The following PCDHA6 variants were observed in gnomAD, a reference collection of about 807,000 sequenced individuals.
The protein encoded by PCDHA6 is protocadherin alpha-6.
In PCDHA6, 55 loss-of-function variants were observed where a neutral mutation model predicts 60.3. The observed-to-expected ratio is 0.91, with a 90% CI of 0.73 to 1.14. The LOEUF (loss-of-function observed/expected upper bound fraction) is 1.14. Among genes scored for constraint, PCDHA6 ranks in the 50% most tolerant of loss-of-function variants. The pLI is 0.00. For missense variants in PCDHA6, 1,327 were observed against 1,256.5 expected, an observed-to-expected ratio of 1.06 and a Z score of -0.85; for synonymous variants, 652 against 557.9, an observed-to-expected ratio of 1.17 and a Z score of -2.38.
chr5:140,990,990 A>G (rs1269528161), intron 3 of PCDHA6, among the ~76,000 whole-genome samples: 1 of 152,210 alleles, frequency 6.6e-6, no homozygotes, highest in East Asian at 1.9e-4. Flanking sequence ...GACAATAGCT[A>G]CCATTTATTG....
chr5:140,966,724 C>G (rs1357964806), intron 1 of PCDHA6: 25 of 1,396,170 alleles, frequency 1.8e-5, no homozygotes, highest in Non-Finnish European at 2.3e-5. Context: ...GGGAAGCTGC[C>G]GCCTCCGGCC....
intron 1 of PCDHA6, chr5:140,862,930 C>T (rs1581662470): frequency 1.8e-6 from 1 of 542,144 alleles, no homozygotes; most frequent in East Asian, 4.9e-5. Flanking sequence ...GGGCTGGCGG[C>T]GCTGTGAGTG....
intron 3 of PCDHA6, among the ~76,000 whole-genome samples, chr5:140,999,225 G>C (rs543011633): frequency 1.3e-5 from 2 of 152,222 alleles, no homozygotes; most frequent in Non-Finnish European, 2.9e-5. Context: ...CTACATTTGA[G>C]AATAGGTGGT....
Position 140,962,743 on chromosome 5 carries a change from A to T in PCDHA6, c.2395-16206A>T, listed in dbSNP as rs1298793627. 2.0e-5 allele frequency among the ~76,000 whole-genome samples: 3 copies of T among 152,324 alleles called. No individual in the cohort carries two copies. The East Asian group carries it at 5.8e-4, about 29-fold the overall frequency. On this transcript the variant is annotated intron_variant, in intron 1 of 3. Coordinates refer to ENST00000529310, the MANE Select transcript of PCDHA6 (RefSeq NM_018909.4). Reference sequence around the variant, plus strand: ...ATTTTCCTTCTGGGGATGCATGAAGATCAGGAATCCTATTCGTTTTTAACA... The same window carrying T: ...ATTTTCCTTCTGGGGATGCATGAAGTTCAGGAATCCTATTCGTTTTTAACA...
chr5:140,990,184 A>G lies in PCDHA6; in HGVS notation c.2542+7621A>G, dbSNP rs1230599539. 1.3e-5 allele frequency among the ~76,000 whole-genome samples: 2 copies of G among 152,158 alleles called. 1 individual carries two copies. The highest frequency in any genetic ancestry group is 2.9e-5 in the Non-Finnish European group (2 of 68,034). ...GGGTATGAAAAGGTGACTTTTAAGA[A>G]CCAAATGTGGACCCGAAAGAGAACA... is the stretch of plus-strand genomic sequence containing the variant. On this transcript the variant is annotated intron_variant, in intron 3 of 3. Transcript: ENST00000529310.
At chr5:140,920,959 T>G (rs2079949518) in intron 1 of PCDHA6, among the ~76,000 whole-genome samples, 1 of 152,072 alleles carries the variant, frequency 6.6e-6, no homozygotes, top group Non-Finnish European at 1.5e-5. Flanking sequence ...ACTACACATG[T>G]AGTACTAGAG....
At chr5:140,905,958 G>T (rs1554192269) in intron 1 of PCDHA6, among the ~76,000 whole-genome samples, 1 of 152,184 alleles carries the variant, frequency 6.6e-6, no homozygotes, top group Non-Finnish European at 1.5e-5. Context: ...GATGTTCAAG[G>T]GGAGGAAGAT....
chr5:140,941,828 A>T (rs2093176954), intron 1 of PCDHA6, among the ~76,000 whole-genome samples: 1 of 152,218 alleles, frequency 6.6e-6, no homozygotes, highest in Non-Finnish European at 1.5e-5. Flanking sequence ...TGCTGTAAAT[A>T]ATTTAGGCTG....
intron 1 of PCDHA6, among the ~76,000 whole-genome samples, chr5:140,948,646 G>T (rs1030231985): frequency 6.6e-6 from 1 of 151,616 alleles, no homozygotes; most frequent in South Asian, 2.1e-4. Context: ...ATCTTTTAAC[G>T]TCTGTATAAT....
chr5:140,890,990 A>T (rs782516672), intron 1 of PCDHA6, among the ~76,000 whole-genome samples: 1 of 152,142 alleles, frequency 6.6e-6, no homozygotes, highest in African/African-American at 2.4e-5. Flanking sequence ...TCTTTATTTC[A>T]TCATAATTAT....
At chr5:140,970,920 G>A (rs957123423) in intron 1 of PCDHA6, among the ~76,000 whole-genome samples, 2 of 152,266 alleles carry the variant, frequency 1.3e-5, no homozygotes, top group Non-Finnish European at 2.9e-5. Flanking sequence ...TTTATCAGAA[G>A]TGCCTGGTGT....
At chr5:140,968,094 A>T in intron 1 of PCDHA6, 1 of 1,614,138 alleles carries the variant, frequency 6.2e-7, no homozygotes, top group Non-Finnish European at 8.5e-7. Flanking sequence ...ACAGCCACAG[A>T]TGGGGGAATA....
intron 1 of PCDHA6, chr5:140,875,267 C>A: frequency 1.7e-6 from 2 of 1,211,108 alleles, no homozygotes; most frequent in Non-Finnish European, 2.2e-6. Context: ...TGTCGCTCTA[C>A]ACTCAGAAGG....
intron 1 of PCDHA6, among the ~76,000 whole-genome samples, chr5:140,919,230 A>G (rs56002): frequency 0.32 from 48,085 of 151,928 alleles, 7,955 homozygotes; most frequent in East Asian, 0.53. Flanking sequence ...TTCTAGTAAC[A>G]CTTTTTGTCT....
At chr5:140,906,821 G>A (rs1354317622) in intron 1 of PCDHA6, among the ~76,000 whole-genome samples, 7 of 152,220 alleles carry the variant, frequency 4.6e-5, no homozygotes, top group Non-Finnish European at 7.3e-5. Flanking sequence ...CCACTGTGGA[G>A]TAGTAGACTG....
In PCDHA6 at chr5:140,858,295, G is replaced by T. The variant is rs190932191; in HGVS notation, c.2394+27810G>T. 8.8e-5 allele frequency: 140 copies of T among 1,597,360 alleles called. 13 individuals are homozygous for T. Among genetic ancestry groups the T allele is most frequent in the African/African-American group, 2.6e-4 (19 of 74,394 alleles). The stretch of plus-strand genomic sequence containing the variant: ...GCGCGGTGGGGAGCTGGTCTTACTC[G>T]CAGCAGAGGCGGCAGAGGGTGTGTT... On this transcript the variant is annotated intron_variant, in intron 1 of 3. Transcript: ENST00000529310.
chr5:140,855,044 T>C lies in PCDHA6; in HGVS notation c.2394+24559T>C, dbSNP rs1055824292. ...TCTTGTATAAAGGATTTTTCTGTAA[T>C]AGTACTTTTCTGTTTTCTTAAATAC... On this transcript the variant is annotated intron_variant, in intron 1 of 3. Coordinates refer to ENST00000529310, the MANE Select transcript of PCDHA6 (RefSeq NM_018909.4). 4.0e-5 allele frequency among the ~76,000 whole-genome samples: 6 copies of C among 149,952 alleles called. 2 individuals carry two copies. The highest frequency in any genetic ancestry group is 8.9e-5 in the Non-Finnish European group (6 of 67,110).
intron 1 of PCDHA6, among the ~76,000 whole-genome samples, chr5:140,941,058 T>C (rs1554213707): frequency 6.6e-6 from 1 of 152,106 alleles, no homozygotes; most frequent in East Asian, 1.9e-4. Context: ...TCCCCAGCAG[T>C]TTTCTGGGCT....
Position 141,009,969 on chromosome 5 carries a change from GT to G in PCDHA6, c.*37del, listed in dbSNP as rs2098415622. On this transcript the variant is annotated 3_prime_UTR_variant, in exon 4 of 4. Coordinates refer to ENST00000529310, the MANE Select transcript of PCDHA6 (RefSeq NM_018909.4). ...CAAATGGAAACAAGCCACTTAGCCA[GT>G]TTTTGTAATAATGGCAAATCTCTCC... 6.3e-7 allele frequency: 1 copy of G among 1,586,478 alleles called. No homozygotes were observed. The highest frequency in any genetic ancestry group is 1.8e-5 in the Admixed American group (1 of 54,174).
Sources: allele counts gnomAD v4.1 joint callset (sites outside exome capture counted in the v4.1 genomes callset), GRCh38; gene constraint gnomAD v4.1.1; transcripts MANE v1.5; gene names NCBI Gene and HGNC (gene_info 2026-07-23, HGNC 2026-07-21).